DNAH10: variants seen among roughly 807,000 people sequenced by gnomAD.
DNAH10 encodes dynein axonemal heavy chain 10, also known as axonemal beta dynein heavy chain 10.
Under a neutral mutation model 506.6 loss-of-function variants are expected in DNAH10, and 348 were observed. That is an observed-to-expected ratio of 0.69 (90% CI 0.63 to 0.75). DNAH10 has a LOEUF of 0.75. Among genes scored for constraint, DNAH10 ranks in the 30% least tolerant of loss-of-function variants. DNAH10 has a pLI of 0.00. For missense variants in DNAH10, 5,179 were observed against 5,787.1 expected (o/e 0.89, Z 3.41); for synonymous variants, 2,059 against 2,198.6 (o/e 0.94, Z 1.78).
In DNAH10 at chr12:123,785,732, C is replaced by A. The variant is rs182095656; in HGVS notation, c.1231-14C>A. On this transcript the variant is annotated splice_polypyrimidine_tract_variant and intron_variant, in intron 8 of 78. Coordinates refer to ENST00000673944, the MANE Select transcript of DNAH10 (RefSeq NM_001372106.1). This position sits in a 1 kb window ranked among gnomAD's most constrained non-coding sequence, Gnocchi z 4.1. The stretch of plus-strand genomic sequence containing the variant: ...GCTAAGGGCTCTTGCGTGGCTCTCT[C>A]CTCTCTTGGTCAGAACATAACGCAC... 71 of 1,568,856 alleles carry A rather than the reference C, an allele frequency of 4.5e-5. No individual in the cohort carries two copies. The East Asian group carries it at 1.5e-3, about 33-fold the overall frequency.
chr12:123,803,523 C>A, intron 16 of DNAH10, 138 bp from the exon 17 acceptor site: 1 of 828,158 alleles, frequency 1.2e-6, no homozygotes, highest in Non-Finnish European at 1.8e-6. Context: ...TCTTTGCCAG[C>A]CCAAAGACCC....
chr12:123,893,216 A>C lies in DNAH10; in HGVS notation c.8996-17A>C, dbSNP rs1250198293. 6.8e-6 allele frequency: 11 copies of C among 1,612,494 alleles called. No homozygotes were observed. The highest frequency in any genetic ancestry group is 9.3e-6 in the Non-Finnish European group (11 of 1,178,930). ...CCTGGGACTCAGAGAGATCACCAGC[A>C]TGTCTTCCTTTTCCAGGAATTGTAC... On this transcript the variant is annotated splice_polypyrimidine_tract_variant and intron_variant, in intron 52 of 78. Transcript: ENST00000673944.
intron 45 of DNAH10, among the ~76,000 whole-genome samples, chr12:123,871,843 A>G (rs1952048372): frequency 6.6e-6 from 1 of 152,198 alleles, no homozygotes; most frequent in Non-Finnish European, 1.5e-5. Flanking sequence ...GACGTTTCAC[A>G]TGGCTGGAGG....
chr12:123,799,928 C>A (rs1243318575), intron 14 of DNAH10, among the ~76,000 whole-genome samples: 1 of 152,144 alleles, frequency 6.6e-6, no homozygotes, highest in Non-Finnish European at 1.5e-5. Flanking sequence ...GGGCTCAGAT[C>A]CGACCAAAGA....
At chr12:123,763,020 C>T (rs1345920856) in intron 1 of DNAH10, among the ~76,000 whole-genome samples, 1 of 152,190 alleles carries the variant, frequency 6.6e-6, no homozygotes, top group East Asian at 1.9e-4. Context: ...GTCACTGTCA[C>T]TCTCCTTGAC....
chr12:123,850,801 A>G lies in DNAH10; in HGVS notation c.6103-87A>G, dbSNP rs1487098245. ...CCTCATACCATGAAAATGAATCGCC[A>G]CGCAGCTCGCCGCAGGCCCCCTTTC... On this transcript the variant is annotated intron_variant, in intron 34 of 78. Transcript: ENST00000673944. This position sits in a 1 kb window ranked among gnomAD's most constrained non-coding sequence, Gnocchi z 5.5. The G allele has an allele frequency of 1.5e-5, 20 of 1,369,412 alleles. No individual in the cohort carries two copies. The highest frequency in any genetic ancestry group is 1.9e-5 in the Non-Finnish European group (19 of 1,010,020). The allele number at this position is 1,369,412 out of a possible 1,614,324, so 84.8% of individuals were successfully genotyped here.
Position 123,841,564 on chromosome 12 carries a change from A to G in DNAH10, c.5360+19A>G, listed in dbSNP as rs777007880. ...GAAGCAGGTAAGGCTGCGAATGTGG[A>G]CATGCATTGCTCTATCCAATTCATA... is the stretch of plus-strand genomic sequence containing the variant. On this transcript the variant is annotated intron_variant, in intron 30 of 78. Transcript: ENST00000673944. 267 of 1,604,400 alleles carry G rather than the reference A, an allele frequency of 1.7e-4. No individual in the cohort carries two copies. The Middle Eastern group carries it at 1.8e-3, about 11-fold the overall frequency.
intron 5 of DNAH10, among the ~76,000 whole-genome samples, chr12:123,779,793 G>T (rs554063518): frequency 2.6e-5 from 4 of 152,142 alleles, no homozygotes; most frequent in Admixed American, 2.0e-4. Flanking sequence ...CCAACATTCT[G>T]GGTTCTTCAG....
intron 17 of DNAH10, among the ~76,000 whole-genome samples, chr12:123,804,375 A>T (rs1958580784): frequency 6.6e-6 from 1 of 152,046 alleles, no homozygotes; most frequent in Non-Finnish European, 1.5e-5. Context: ...AATACAAAAA[A>T]TTAGCTGGGC....
intron 52 of DNAH10, among the ~76,000 whole-genome samples, chr12:123,891,050 G>A (rs565018840): frequency 1.3e-5 from 2 of 152,282 alleles, no homozygotes; most frequent in South Asian, 4.2e-4. Context: ...TCACAGTTCT[G>A]GAGGCCAGGA....
intron 6 of DNAH10, among the ~76,000 whole-genome samples, chr12:123,782,162 G>C (rs2136023367): frequency 6.6e-6 from 1 of 152,070 alleles, no homozygotes; most frequent in East Asian, 1.9e-4. Context: ...ACGTTTGATT[G>C]ATAGTCATAT....
At chr12:123,887,074 A>G (rs955888545) in intron 51 of DNAH10, 68 bp from the exon 52 acceptor site, 2 of 1,504,370 alleles carry the variant, frequency 1.3e-6, no homozygotes, top group Non-Finnish European at 1.8e-6. Context: ...CAGCGTCCCC[A>G]CCCCGGAGCC....
rs1368211220 is a variant in DNAH10 at position 123,772,933 on chromosome 12, A to G, written c.496A>G (p.Asn166Asp). ...LDQNVVFFLR[N>D]TKEAISEATD... ...CCAAAACGTGGTGTTTTTCCTCAGAAATACCAAAGGTACATTTCTGGCACG... is the reference window on the plus strand; with the variant it reads ...CCAAAACGTGGTGTTTTTCCTCAGAGATACCAAAGGTACATTTCTGGCACG... The change falls in exon 4 of 79, where the codon AAT (asparagine) becomes GAT (aspartate). Residue 166 changes from asparagine (N) to aspartate (D), a missense_variant. Physicochemically the swap from Asn to Asp is conservative, Grantham distance 23 (BLOSUM62 1). Coordinates refer to ENST00000673944, the MANE Select transcript of DNAH10 (RefSeq NM_001372106.1). 1.2e-5 allele frequency: 19 copies of G among 1,611,816 alleles called. No homozygotes were observed. The highest frequency in any genetic ancestry group is 1.6e-5 in the Non-Finnish European group (19 of 1,178,404).
intron 52 of DNAH10, among the ~76,000 whole-genome samples, chr12:123,892,621 G>A (rs1292200435): frequency 6.6e-6 from 1 of 152,222 alleles, no homozygotes. Flanking sequence ...GAGCAGCCGT[G>A]GCCTGCCACG....
chr12:123,893,151 C>A, intron 52 of DNAH10, 82 bp from the exon 53 acceptor site: 1 of 1,406,598 alleles, frequency 7.1e-7, no homozygotes, highest in Non-Finnish European at 9.9e-7. Context: ...GATCTTTCCA[C>A]ACCTTCCATC....
At chr12:123,786,117 C>T (rs986670480) in intron 9 of DNAH10, among the ~76,000 whole-genome samples, 181 bp downstream of exon 9, 8 of 151,844 alleles carry the variant, frequency 5.3e-5, no homozygotes, top group African/African-American at 1.7e-4. Flanking sequence ...TTTGGGAGGC[C>T]GAGGTGGCGG....
chr12:123,859,839 C>T (rs542420384), intron 38 of DNAH10, among the ~76,000 whole-genome samples: 1 of 152,040 alleles, frequency 6.6e-6, no homozygotes, highest in South Asian at 2.1e-4. Context: ...TTGAGAACAG[C>T]CTGGGCAACA....
intron 5 of DNAH10, among the ~76,000 whole-genome samples, chr12:123,774,658 C>T (rs1593980420): frequency 6.6e-6 from 1 of 152,256 alleles, no homozygotes; most frequent in East Asian, 1.9e-4. Flanking sequence ...TTAACTGCAG[C>T]AGGAGCATGT....
rs1175549663 is a variant in DNAH10, at chr12:123,846,763, G to C, written c.5814+609G>C. ...CCCACCTTGGCCTCCTGAGTAGCTA[G>C]GACTATAGCATTCACTGCTGCACCT... is the stretch of plus-strand genomic sequence containing the variant. On this transcript the variant is annotated intron_variant, in intron 32 of 78. Coordinates refer to ENST00000673944, the MANE Select transcript of DNAH10 (RefSeq NM_001372106.1). The surrounding 1 kb of genome is among the most constrained non-coding windows in gnomAD (Gnocchi z 4.5). Among the ~76,000 whole-genome samples, 1 of 152,082 alleles carries C rather than the reference G, an allele frequency of 6.6e-6. No individual in the cohort carries two copies. The highest frequency in any genetic ancestry group is 1.9e-4 in the East Asian group (1 of 5,184).
Sources: gnomAD v4.1 joint callset for allele counts (sites outside exome capture counted in the v4.1 genomes callset) on GRCh38, gnomAD v4.1.1 for gene constraint, Gnocchi (gnomAD v3.1) non-coding constraint, MANE v1.5 for transcripts, NCBI Gene and HGNC (gene_info 2026-07-23, HGNC 2026-07-21) for gene names.